ARIH2: variants seen among roughly 807,000 people sequenced by gnomAD.
ARIH2 encodes the protein E3 ubiquitin-protein ligase ARIH2.
Under a neutral mutation model 79.8 loss-of-function variants are expected in ARIH2, and 12 were observed. The observed-to-expected ratio is 0.15, with a 90% CI of 0.10 to 0.24. ARIH2 has a LOEUF of 0.24. Ranked by LOEUF, ARIH2 falls within the 10% of genes least tolerant of loss-of-function variation. The pLI is 1.00. For synonymous variants in ARIH2, 224 were observed against 213.9 expected, an observed-to-expected ratio of 1.05 and a Z score of -0.41; for missense variants, 301 against 618.3, an observed-to-expected ratio of 0.49 and a Z score of 5.44.
intron 4 of ARIH2, among the ~76,000 whole-genome samples, chr3:48,962,152 G>A (rs900903374): frequency 9.9e-5 from 15 of 152,040 alleles, no homozygotes; most frequent in Non-Finnish European, 5.9e-5. Context: ...TGAGGCGGGC[G>A]GATCACCTGA....
intron 3 of ARIH2, among the ~76,000 whole-genome samples, chr3:48,931,886 G>C (rs1393336239): frequency 6.6e-6 from 1 of 152,132 alleles, no homozygotes; most frequent in Non-Finnish European, 1.5e-5. Flanking sequence ...GTGGGCACCT[G>C]TAGTCCCAGC....
chr3:48,933,448 C>T (rs928757095), intron 3 of ARIH2, among the ~76,000 whole-genome samples: 1 of 151,946 alleles, frequency 6.6e-6, no homozygotes, highest in Non-Finnish European at 1.5e-5. Flanking sequence ...CAGGCGTGAG[C>T]CACCACACTG....
chr3:48,966,642 A>G (rs1288969139), intron 5 of ARIH2, among the ~76,000 whole-genome samples: 1 of 152,242 alleles, frequency 6.6e-6, no homozygotes, highest in Non-Finnish European at 1.5e-5. Context: ...CTTGACAAGT[A>G]AAACTACAGT....
At chr3:48,969,394 C>T (rs2092029683) in intron 7 of ARIH2, among the ~76,000 whole-genome samples, 1 of 152,088 alleles carries the variant, frequency 6.6e-6, no homozygotes, top group Non-Finnish European at 1.5e-5. Context: ...GTCCAGGATT[C>T]AGCGTGGTCA....
chr3:48,931,548 CA>C (rs753880308), intron 3 of ARIH2, among the ~76,000 whole-genome samples: 138 of 121,068 alleles, frequency 1.1e-3, no homozygotes, highest in Admixed American at 1.0e-3. Flanking sequence ...GACTCTGTCT[CA>C]AAAAAAAAAA....
chr3:48,959,649 CAAAAAAAAAAAAAAAAAA>C (rs71077758), intron 3 of ARIH2, among the ~76,000 whole-genome samples: 1 of 50,118 alleles, frequency 2.0e-5, no homozygotes, highest in African/African-American at 9.3e-5. Context: ...TAAAAAATAC[CAAAAAAAAAAAAAAAAAA>C]AAAAAAAAGA....
intron 13 of ARIH2, 63 bp downstream of exon 13, chr3:48,980,559 C>CT: frequency 2.6e-6 from 4 of 1,561,638 alleles, no homozygotes; most frequent in Non-Finnish European, 3.5e-6. Flanking sequence ...GCACAGACCT[C>CT]TGATAGTGGG....
chr3:48,968,293 C>T (rs2091942449), intron 6 of ARIH2: 3 of 309,940 alleles, frequency 9.7e-6, no homozygotes, highest in African/African-American at 2.2e-5. Context: ...CTGCAAGCTC[C>T]GCCTCCCGGG....
Position 48,984,342 on chromosome 3 carries a change from T to G in ARIH2, c.*1072T>G, listed in dbSNP as rs918790906. ...GGCATGGGGGCTGTGTTTGCACAAG[T>G]TATTTTCATGTTACCTGGAGAGTGT... On this transcript the variant is annotated 3_prime_UTR_variant, in exon 16 of 16. Coordinates refer to ENST00000356401, the MANE Select transcript of ARIH2 (RefSeq NM_006321.4). The G allele has an allele frequency of 5.9e-5, 9 of 152,658 alleles. No individual in the cohort carries two copies. The highest frequency in any genetic ancestry group is 4.4e-5 in the Non-Finnish European group (3 of 68,064). 9.5% of individuals were successfully genotyped at this position (152,658 alleles called of 1,614,324 possible). A position where few individuals can be genotyped will look rare whatever the true frequency, so the allele number is the denominator to read the frequency against.
intron 11 of ARIH2, among the ~76,000 whole-genome samples, chr3:48,975,401 C>T (rs2107650452): frequency 6.6e-6 from 1 of 152,298 alleles, no homozygotes; most frequent in African/African-American, 2.4e-5. Context: ...TTGATTTAGC[C>T]TTTCAGACCT....
At chr3:48,974,452 G>T (rs1260243490) in intron 9 of ARIH2, among the ~76,000 whole-genome samples, 1 of 152,186 alleles carries the variant, frequency 6.6e-6, no homozygotes, top group Non-Finnish European at 1.5e-5. Context: ...AGAAGTTCAG[G>T]CAAGCTGACC....
chr3:48,940,677 C>T (rs566798827), intron 3 of ARIH2, among the ~76,000 whole-genome samples: 18 of 151,496 alleles, frequency 1.2e-4, no homozygotes, highest in Non-Finnish European at 2.4e-4. Context: ...TGCCTGTAAT[C>T]CTAGATACTC....
chr3:48,939,757 C>CAAAA (rs1190260583), intron 3 of ARIH2, among the ~76,000 whole-genome samples: 1 of 43,532 alleles, frequency 2.3e-5, no homozygotes, highest in African/African-American at 5.1e-5. Context: ...GACTCCATCT[C>CAAAA]AAAAAAAAAA....
chr3:48,968,899 G>GC (rs2091982578), intron 7 of ARIH2, among the ~76,000 whole-genome samples: 1 of 151,666 alleles, frequency 6.6e-6, no homozygotes, highest in Admixed American at 6.6e-5. Flanking sequence ...TCTTTTTTTT[G>GC]CGTGTGTGAC....
Position 48,981,750 on chromosome 3 carries a change from A to G in ARIH2, c.1326+22A>G, listed in dbSNP as rs376811692. The G allele has an allele frequency of 6.3e-6, 10 of 1,599,062 alleles. No individual in the cohort carries two copies. The African/African-American group carries it at 1.1e-4, about 17-fold the overall frequency. ...GCTGGTAAGGCAAAGCAATTTTTCTACTCTGTCCCGTTAGCCTCAAAGGTG... is the reference window on the plus strand; with the variant it reads ...GCTGGTAAGGCAAAGCAATTTTTCTGCTCTGTCCCGTTAGCCTCAAAGGTG... On this transcript the variant is annotated intron_variant, in intron 14 of 15. Coordinates refer to ENST00000356401, the MANE Select transcript of ARIH2 (RefSeq NM_006321.4).
rs866425330 is a variant in ARIH2, at chr3:48,965,130, G to A, written c.387+148G>A. ...AGCACTTTGGGAGGCTGAGGCGGGT[G>A]GATTACGAGGTCAGGAGATCGAGAC... is the stretch of plus-strand genomic sequence containing the variant. On this transcript the variant is annotated intron_variant, in intron 5 of 15. Transcript: ENST00000356401. 45 of 564,742 alleles carry A rather than the reference G, an allele frequency of 8.0e-5. No individual in the cohort carries two copies. The Middle Eastern group carries it at 3.9e-3, about 49-fold the overall frequency. 35.0% of individuals were successfully genotyped at this position (564,742 alleles called of 1,614,324 possible). A position where few individuals can be genotyped will look rare whatever the true frequency, so the allele number is the denominator to read the frequency against.
At chr3:48,971,968 C>CT (rs1357215457) in intron 8 of ARIH2, among the ~76,000 whole-genome samples, 1 of 152,054 alleles carries the variant, frequency 6.6e-6, no homozygotes, top group Non-Finnish European at 1.5e-5. Context: ...ATTGGAGTGT[C>CT]TTTTTTTTCT....
At chr3:48,931,818 C>T (rs1268769957) in intron 3 of ARIH2, among the ~76,000 whole-genome samples, 1 of 152,048 alleles carries the variant, frequency 6.6e-6, no homozygotes, top group Non-Finnish European at 1.5e-5. Context: ...AGAGCCCTGG[C>T]TAACACAGTG....
At chr3:48,957,799 T>C (rs1447413059) in intron 3 of ARIH2, among the ~76,000 whole-genome samples, 4 of 152,176 alleles carry the variant, frequency 2.6e-5, no homozygotes, top group Non-Finnish European at 5.9e-5. Context: ...CACTACAACC[T>C]CCGCCTCCCG....
Sources: allele counts gnomAD v4.1 joint callset (sites outside exome capture counted in the v4.1 genomes callset), GRCh38; gene constraint gnomAD v4.1.1; transcripts MANE v1.5; gene names NCBI Gene and HGNC (gene_info 2026-07-23, HGNC 2026-07-21).